The following RESF1 variants were observed in gnomAD, a reference collection of about 807,000 sequenced individuals.
RESF1 encodes retroelement silencing factor 1.
In RESF1, 65 loss-of-function variants were observed where a neutral mutation model predicts 134.7. The ratio of observed to expected loss-of-function variants is 0.48; its 90% CI spans 0.40 to 0.59. RESF1 has a LOEUF of 0.59. Ranked by LOEUF, RESF1 falls within the 20% of genes least tolerant of loss-of-function variation. The pLI is 0.00. For missense variants in RESF1, 2,274 were observed against 2,002.7 expected, an observed-to-expected ratio of 1.14 and a Z score of -2.59; for synonymous variants, 762 against 702.2, an observed-to-expected ratio of 1.09 and a Z score of -1.35.
intron 5 of RESF1, 30 bp from the exon 6 acceptor site, chr12:31,992,344 GAAAT>G: frequency 1.9e-6 from 3 of 1,545,132 alleles, no homozygotes; most frequent in Non-Finnish European, 1.8e-6. Flanking sequence ...CTAACATTGA[GAAAT>G]AAAGTAAGTA....
At chr12:31,961,736 C>G (rs1237680633) in intron 2 of RESF1, among the ~76,000 whole-genome samples, 1 of 152,148 alleles carries the variant, frequency 6.6e-6, no homozygotes, top group South Asian at 2.1e-4. Flanking sequence ...TGGTCCACAT[C>G]TGGATTTACC....
chr12:31,985,675 G>A lies in RESF1; in HGVS notation c.4720G>A (p.Val1574Ile), dbSNP rs558925533. The A allele has an allele frequency of 6.8e-6, 11 of 1,612,808 alleles. No homozygotes were observed. The highest frequency in any genetic ancestry group is 4.2e-6 in the Non-Finnish European group (5 of 1,179,738). ...EAQFSQMPPQ[V>I]KDQKKLYLNR... ...TCAATTCAGCCAAATGCCTCCCCAA[G>A]TAAAGGATCAAAAGAAATTATATCT... The change falls in exon 4 of 6, where the codon GTA (valine) becomes ATA (isoleucine). Residue 1574 changes from valine (V) to isoleucine (I), a missense_variant. By Grantham distance (29) the Val-to-Ile change is conservative (BLOSUM62 3). Coordinates refer to ENST00000312561, the MANE Select transcript of RESF1 (RefSeq NM_018169.4).
intron 2 of RESF1, among the ~76,000 whole-genome samples, chr12:31,969,061 C>T (rs898338446): frequency 6.6e-6 from 1 of 152,218 alleles, no homozygotes; most frequent in African/African-American, 2.4e-5. Flanking sequence ...CCATCTCAGC[C>T]TCCCAAGTAG....
chr12:31,982,408 T>G lies in RESF1; in HGVS notation c.1453T>G (p.Leu485Val). ...SAETNKTQCMLNSDIQEVNCR... is the reference protein window; with the variant it reads ...SAETNKTQCMVNSDIQEVNCR... ...AGAAACAAATAAGACTCAATGTATGTTGAATTCTGACATTCAGGAAGTCAA... is the reference window on the plus strand; with the variant it reads ...AGAAACAAATAAGACTCAATGTATGGTGAATTCTGACATTCAGGAAGTCAA... Residue 485 changes from leucine to valine, a missense_variant, in exon 4 of 6, where the codon TTG becomes GTG. By Grantham distance (32) the Leu-to-Val change is conservative. Coordinates refer to ENST00000312561, the MANE Select transcript of RESF1 (RefSeq NM_018169.4). The G allele has an allele frequency of 1.9e-6, 3 of 1,614,102 alleles. No individual in the cohort carries two copies. The highest frequency in any genetic ancestry group is 2.5e-6 in the Non-Finnish European group (3 of 1,180,018).
chr12:31,970,119 T>C (rs148977787), intron 2 of RESF1, 70 bp from the exon 3 acceptor site: 31 of 152,366 alleles, frequency 2.0e-4, no homozygotes, highest in African/African-American at 7.5e-4. Context: ...ATTTCACAGA[T>C]ATTGTTAATC....
At chr12:31,988,236 CT>C (rs1454946428) in intron 5 of RESF1, among the ~76,000 whole-genome samples, 2 of 152,140 alleles carry the variant, frequency 1.3e-5, no homozygotes, top group Non-Finnish European at 2.9e-5. Context: ...CTGGTCCCCT[CT>C]TTTCAAAGTC....
intron 5 of RESF1, among the ~76,000 whole-genome samples, chr12:31,987,891 C>T (rs1463483554): frequency 2.0e-5 from 3 of 152,168 alleles, no homozygotes; most frequent in South Asian, 2.1e-4. Flanking sequence ...CATACCACCA[C>T]GCCCAGCTAA....
chr12:31,975,675 A>G (rs1939618255), intron 3 of RESF1, among the ~76,000 whole-genome samples: 1 of 152,192 alleles, frequency 6.6e-6, no homozygotes. Context: ...AAAAAGTACC[A>G]CTACAGTCCC....
intron 3 of RESF1, among the ~76,000 whole-genome samples, chr12:31,971,526 C>G (rs1939508049): frequency 6.6e-6 from 1 of 152,136 alleles, no homozygotes; most frequent in Non-Finnish European, 1.5e-5. Flanking sequence ...TAAGGTATAT[C>G]TCTTGGAAAC....
chr12:31,973,437 A>G (rs11051713), intron 3 of RESF1, among the ~76,000 whole-genome samples: 7,063 of 152,046 alleles, frequency 0.046, 551 homozygotes, highest in African/African-American at 0.16. Flanking sequence ...CCTCCTGAGT[A>G]TCTGGGACTG....
rs1464275685 is a variant in RESF1 at position 31,983,923 on chromosome 12, A to G, written c.2968A>G (p.Arg990Gly). 2 of 1,613,868 alleles carry G rather than the reference A, an allele frequency of 1.2e-6. No individual in the cohort carries two copies. Among genetic ancestry groups the G allele is most frequent in the African/African-American group, 1.3e-5 (1 of 75,048 alleles). Residue 990 changes from arginine to glycine, a missense_variant, in exon 4 of 6, where the codon AGA becomes GGA. Coordinates refer to ENST00000312561, the MANE Select transcript of RESF1 (RefSeq NM_018169.4). ...ATCTTTTAACAATCTTGAAACAAACAGAGTTATTCTAGAGAAAAGTAGTTT... is the reference window on the plus strand; with the variant it reads ...ATCTTTTAACAATCTTGAAACAAACGGAGTTATTCTAGAGAAAAGTAGTTT... ...ESSFNNLETN[R>G]VILEKSSLEH...
At chr12:31,977,803 T>C (rs1365702498) in intron 3 of RESF1, among the ~76,000 whole-genome samples, 1 of 96,940 alleles carries the variant, frequency 1.0e-5, no homozygotes, top group Non-Finnish European at 2.0e-5. Flanking sequence ...CTTTCTTTCT[T>C]TTTTTTTTTT....
rs1939478983 is a variant in RESF1, at chr12:31,970,349, A to G, written c.-86A>G. The G allele has an allele frequency of 6.6e-6, 1 of 152,204 alleles. No homozygotes were observed. Among genetic ancestry groups the G allele is most frequent in the Non-Finnish European group, 1.5e-5 (1 of 68,030 alleles). 9.4% of individuals were successfully genotyped at this position (152,204 alleles called of 1,614,324 possible). On this transcript the variant is annotated 5_prime_UTR_variant, in exon 3 of 6. It removes an upstream start codon present in the reference 5' UTR. Transcript: ENST00000312561. ...AATGGACAGTTAGTCACCCACCTAC[A>G]TGTTGAGGTACTCTGGACCTTTTTC...
At position 31,987,312 on chromosome 12, in the gene RESF1, C is replaced by T. The variant is rs750720776; in HGVS notation, c.5076C>T (p.Ser1692=). 12 of 1,594,806 alleles carry T rather than the reference C, an allele frequency of 7.5e-6. No individual in the cohort carries two copies. The highest frequency in any genetic ancestry group is 1.7e-5 in the Admixed American group (1 of 58,988). ...VATKKRTQKD[S]QERDNVNSRL... The stretch of plus-strand genomic sequence containing the variant: ...CAAAGAAAAGGACACAGAAAGACAG[C>T]CAAGAGAGAGGTAAAGTCATCTTTT... The change falls in exon 5 of 6, where the codon AGC becomes AGT. Residue 1692 remains serine, a synonymous_variant. Transcript: ENST00000312561.
chr12:31,985,886 A>G lies in RESF1; in HGVS notation c.4931A>G (p.Lys1644Arg). 1 of 1,536,804 alleles carries G rather than the reference A, an allele frequency of 6.5e-7. No homozygotes were observed. Residue 1644 changes from lysine to arginine, a missense_variant, in exon 4 of 6, where the codon AAG (lysine) becomes AGG (arginine). By Grantham distance (26) the Lys-to-Arg change is conservative. Transcript: ENST00000312561. ...AAATTATGTCCAGATATCTTACTAA[A>G]GAATACAAACTCTGTGGAAGAACGG... ...EFKLCPDILL[K>R]NTNSVEERKD...
At position 31,992,637 on chromosome 12, in the gene RESF1, C is replaced by T; in HGVS notation, c.*102C>T. On this transcript the variant is annotated 3_prime_UTR_variant, in exon 6 of 6. Coordinates refer to ENST00000312561, the MANE Select transcript of RESF1 (RefSeq NM_018169.4). ...GAGAAATGCCATGATAAAGATTTCTCAGAGTTTGGTTCCCACTTTCATTGT... is the reference window on the plus strand; with the variant it reads ...GAGAAATGCCATGATAAAGATTTCTTAGAGTTTGGTTCCCACTTTCATTGT... The T allele has an allele frequency of 8.1e-7, 1 of 1,229,116 alleles. No individual in the cohort carries two copies. Among genetic ancestry groups the T allele is most frequent in the South Asian group, 1.3e-5 (1 of 76,370 alleles). 76.1% of individuals were successfully genotyped at this position (1,229,116 alleles called of 1,614,324 possible).
Position 31,984,428 on chromosome 12 carries a change from G to A in RESF1, c.3473G>A (p.Arg1158His), listed in dbSNP as rs141047715. The A allele has an allele frequency of 2.2e-4, 353 of 1,614,158 alleles. 1 individual carries two copies. Among genetic ancestry groups the A allele is most frequent in the Middle Eastern group, 1.5e-3 (9 of 6,056 alleles). Residue 1158 changes from arginine to histidine, a missense_variant, in exon 4 of 6, where the codon CGT (arginine) becomes CAT (histidine). Transcript: ENST00000312561. The part of the protein sequence containing the change: ...DLQAPAAGQS[R>H]DSVILDSEKD... ...CAGGCACCTGCAGCTGGACAAAGTC[G>A]TGATTCTGTGATACTGGACTCTGAG...
chr12:31,960,056 A>G (rs990352828), intron 1 of RESF1, among the ~76,000 whole-genome samples: 5 of 151,540 alleles, frequency 3.3e-5, no homozygotes, highest in South Asian at 4.2e-4. Context: ...ACTGGCATCT[A>G]TCTCCAAGTG....
At chr12:31,976,300 T>C (rs1004111039) in intron 3 of RESF1, among the ~76,000 whole-genome samples, 7 of 152,212 alleles carry the variant, frequency 4.6e-5, no homozygotes, top group Admixed American at 1.3e-4. Flanking sequence ...CCGCCAAAAC[T>C]TGATTAACAA....
Sources: gnomAD v4.1 joint callset for allele counts (sites outside exome capture counted in the v4.1 genomes callset) on GRCh38, gnomAD v4.1.1 for gene constraint, MANE v1.5 for transcripts, NCBI Gene and HGNC (gene_info 2026-07-23, HGNC 2026-07-21) for gene names.